PSD3: variants seen among roughly 807,000 people sequenced by gnomAD.
PSD3 encodes PH and SEC7 domain-containing protein 3.
Under a neutral mutation model 105.5 loss-of-function variants are expected in PSD3, and 49 were observed. That is an observed-to-expected ratio of 0.46 (90% CI 0.37 to 0.59). PSD3 has a LOEUF of 0.59. PSD3 is among the 20% of genes least tolerant of loss of function. The pLI is 0.00. For synonymous variants in PSD3, 557 were observed against 457.8 expected (o/e 1.22, Z -2.77); for missense variants, 1,561 against 1,263.8 (o/e 1.24, Z -3.57).
intron 2 of PSD3, among the ~76,000 whole-genome samples, chr8:18,912,828 A>G (rs1279436709): frequency 6.6e-6 from 1 of 152,110 alleles, no homozygotes; most frequent in Non-Finnish European, 1.5e-5. Flanking sequence ...TCTACCCACT[A>G]TTCCCAAAAA....
At chr8:18,772,737 T>G (rs1347093083) in intron 8 of PSD3, among the ~76,000 whole-genome samples, 1 of 152,192 alleles carries the variant, frequency 6.6e-6, no homozygotes, top group Non-Finnish European at 1.5e-5. Context: ...CTCGAACCCT[T>G]GACCTCAGGT....
At chr8:18,648,790 A>G (rs1425900212) in intron 10 of PSD3, among the ~76,000 whole-genome samples, 4 of 152,204 alleles carry the variant, frequency 2.6e-5, no homozygotes. Context: ...TCACTGCCCT[A>G]TACTGCTCCC....
intron 2 of PSD3, among the ~76,000 whole-genome samples, chr8:18,886,284 A>T (rs1818447819): frequency 6.6e-6 from 1 of 152,208 alleles, no homozygotes; most frequent in Admixed American, 6.5e-5. Context: ...TCAATGTCAC[A>T]TGCTGAAATC....
intron 11 of PSD3, 111 bp downstream of exon 11, chr8:18,632,502 T>A: frequency 3.4e-6 from 4 of 1,179,482 alleles, no homozygotes; most frequent in South Asian, 1.5e-5. Flanking sequence ...CAAGAATGTG[T>A]CTATAGATAA....
intron 1 of PSD3, among the ~76,000 whole-genome samples, chr8:18,995,338 G>A (rs938484647): frequency 2.6e-5 from 4 of 152,046 alleles, no homozygotes; most frequent in Admixed American, 2.6e-4. Context: ...AAAACTCCCA[G>A]ACGCCAGTAG....
chr8:18,648,061 G>A (rs911505421), intron 10 of PSD3, among the ~76,000 whole-genome samples: 1 of 152,158 alleles, frequency 6.6e-6, no homozygotes, highest in African/African-American at 2.4e-5. Context: ...CCAGTCTCAG[G>A]TATCCTTTAT....
intron 1 of PSD3, among the ~76,000 whole-genome samples, chr8:19,066,100 T>C (rs1260002506): frequency 2.6e-5 from 4 of 152,222 alleles, no homozygotes; most frequent in African/African-American, 4.8e-5. Context: ...AATCCTTAGA[T>C]GGGATGCTGC....
intron 9 of PSD3, among the ~76,000 whole-genome samples, chr8:18,667,869 G>A (rs1419779842): frequency 6.6e-6 from 1 of 152,208 alleles, no homozygotes; most frequent in Non-Finnish European, 1.5e-5. Flanking sequence ...TGAGTGTAGC[G>A]CCGGCAGGCC....
intron 9 of PSD3, among the ~76,000 whole-genome samples, chr8:18,661,111 A>T (rs1809314128): frequency 6.6e-6 from 1 of 151,918 alleles, no homozygotes; most frequent in South Asian, 2.1e-4. Flanking sequence ...TCTCTCTCCA[A>T]CATATTTTGC....
At chr8:18,678,109 T>C (rs778349442) in intron 9 of PSD3, among the ~76,000 whole-genome samples, 24 of 151,930 alleles carry the variant, frequency 1.6e-4, no homozygotes, top group Non-Finnish European at 2.8e-4. Context: ...TAACTTAACA[T>C]AGGAGAGCCA....
intron 8 of PSD3, among the ~76,000 whole-genome samples, chr8:18,780,654 C>T (rs549239222): frequency 1.8e-4 from 27 of 152,090 alleles, no homozygotes; most frequent in African/African-American, 6.3e-4. Flanking sequence ...CTTGGGTTCA[C>T]GCCATTCTCC....
chr8:18,613,697 A>T (rs1197540446), intron 11 of PSD3, among the ~76,000 whole-genome samples: 2 of 152,192 alleles, frequency 1.3e-5, no homozygotes, highest in African/African-American at 4.8e-5. Flanking sequence ...TCTGTGAAAC[A>T]TAGAAAACGG....
chr8:18,652,458 C>A (rs1281031873), intron 10 of PSD3, among the ~76,000 whole-genome samples: 2 of 150,100 alleles, frequency 1.3e-5, no homozygotes, highest in Non-Finnish European at 3.0e-5. Flanking sequence ...ATAATTATAT[C>A]CATGTACATA....
At chr8:18,546,794 C>G (rs1259295570) in intron 15 of PSD3, among the ~76,000 whole-genome samples, 1 of 152,156 alleles carries the variant, frequency 6.6e-6, no homozygotes, top group Non-Finnish European at 1.5e-5. Context: ...TTCCCTCCAA[C>G]CCCCACCTCA....
rs775988694 is a variant in PSD3, at chr8:18,867,855, G to A, written c.1453C>T (p.Arg485Cys). ...AAGAACTGACCACCTTCTTTAATGC[G>A]CTGTTGTATCATTGGAGTGAGGGGC... ...EMPLTPMIQQRIKEGGQFLER... is the reference protein window; with the variant it reads ...EMPLTPMIQQCIKEGGQFLER... The change falls in exon 4 of 16, where the codon CGC (arginine) becomes TGC (cysteine). Residue 485 changes from arginine to cysteine, a missense_variant. Arg to Cys is a radical substitution (Grantham distance 180). Coordinates refer to ENST00000327040, the MANE Select transcript of PSD3 (RefSeq NM_015310.4). 7.4e-6 allele frequency: 12 copies of A among 1,613,974 alleles called. No individual in the cohort carries two copies. The highest frequency in any genetic ancestry group is 1.6e-4 in the Middle Eastern group (1 of 6,084).
chr8:18,581,781 C>T (rs138317378), intron 12 of PSD3, among the ~76,000 whole-genome samples: 106 of 152,306 alleles, frequency 7.0e-4, no homozygotes, highest in African/African-American at 2.1e-3. Flanking sequence ...AGGGACCAGA[C>T]GCTATGTTTA....
rs538940548 is a variant in PSD3 at position 18,568,450 on chromosome 8, G to C, written c.2784+4078C>G. Among the ~76,000 whole-genome samples the C allele has an allele frequency of 2.0e-5, 3 of 151,914 alleles. No individual in the cohort carries two copies. The East Asian group carries it at 5.9e-4, about 30-fold the overall frequency. On this transcript the variant is annotated intron_variant, in intron 14 of 15. Coordinates refer to ENST00000327040, the MANE Select transcript of PSD3 (RefSeq NM_015310.4). ...CAAGAAAGGAGTCTAAGAAGCAAGG[G>C]GGGAAATCAAGAGACAGTGAGGTGA... is the stretch of plus-strand genomic sequence containing the variant.
chr8:18,715,184 T>C (rs1359941962), intron 9 of PSD3, among the ~76,000 whole-genome samples: 2 of 152,144 alleles, frequency 1.3e-5, no homozygotes, highest in African/African-American at 4.8e-5. Flanking sequence ...CTGGGCTTAA[T>C]ACTTAGGTGA....
intron 12 of PSD3, among the ~76,000 whole-genome samples, chr8:18,577,469 T>C (rs1052428105): frequency 3.3e-5 from 5 of 152,102 alleles, no homozygotes; most frequent in Non-Finnish European, 5.9e-5. Context: ...CAGACACGTA[T>C]ATTAACCTTT....
Sources: gnomAD v4.1 joint callset for allele counts (sites outside exome capture counted in the v4.1 genomes callset) on GRCh38, gnomAD v4.1.1 for gene constraint, MANE v1.5 for transcripts, NCBI Gene and HGNC (gene_info 2026-07-23, HGNC 2026-07-21) for gene names.